RERE: variants seen among roughly 807,000 people sequenced by gnomAD.
RERE encodes the protein arginine-glutamic acid dipeptide repeats protein.
In RERE, 40 loss-of-function variants were observed where a neutral mutation model predicts 146.1. That is an observed-to-expected ratio of 0.27 (90% CI 0.21 to 0.36). The LOEUF is 0.36. RERE is among the 10% of genes least tolerant of loss of function. The pLI is 1.00. For missense variants in RERE, 1,933 were observed against 2,138.7 expected (o/e 0.90, Z 1.90); for synonymous variants, 1,003 against 866.0 (o/e 1.16, Z -2.78).
At chr1:8,635,435 AC>A (rs1647085578) in intron 2 of RERE, among the ~76,000 whole-genome samples, 1 of 152,216 alleles carries the variant, frequency 6.6e-6, no homozygotes, top group Non-Finnish European at 1.5e-5. Context: ...CTAAAATGAG[AC>A]GAGAGCTTCT....
chr1:8,562,132 G>A (rs1194108563), intron 4 of RERE, among the ~76,000 whole-genome samples: 1 of 152,130 alleles, frequency 6.6e-6, no homozygotes, highest in Non-Finnish European at 1.5e-5. Flanking sequence ...TTGTTTTACA[G>A]AAAAAGAGAG....
Position 8,476,641 on chromosome 1 carries a change from A to G in RERE, c.1105-10618T>C, listed in dbSNP as rs114669184. 9.7e-3 allele frequency among the ~76,000 whole-genome samples: 1,477 copies of G among 152,354 alleles called. 25 individuals are homozygous for G. The highest frequency in any genetic ancestry group is 0.034 in the African/African-American group (1,433 of 41,572). On this transcript the variant is annotated intron_variant, in intron 10 of 22. Coordinates refer to ENST00000400908, the MANE Select transcript of RERE (RefSeq NM_001042681.2). ...AATGCATTCACAGGGGAGGTTTTGA[A>G]AATCAACAACCAGTATAATATGATT...
At chr1:8,431,027 C>T (rs1184627576) in intron 11 of RERE, among the ~76,000 whole-genome samples, 1 of 152,180 alleles carries the variant, frequency 6.6e-6, no homozygotes, top group Non-Finnish European at 1.5e-5. Context: ...CCAGGCATTC[C>T]TTTGTCTTCC....
At chr1:8,371,339 A>G (rs1642027694) in intron 12 of RERE, among the ~76,000 whole-genome samples, 1 of 152,150 alleles carries the variant, frequency 6.6e-6, no homozygotes, top group South Asian at 2.1e-4. Flanking sequence ...GTGTCTTTCC[A>G]GGCTATACAC....
intron 11 of RERE, among the ~76,000 whole-genome samples, chr1:8,426,534 C>G (rs1644015909): frequency 6.6e-6 from 1 of 151,978 alleles, no homozygotes; most frequent in Non-Finnish European, 1.5e-5. Flanking sequence ...CTTTATCTCT[C>G]TTTCCTAATA....
chr1:8,780,733 G>C (rs1461547049), intron 1 of RERE, among the ~76,000 whole-genome samples: 2 of 152,300 alleles, frequency 1.3e-5, no homozygotes, highest in East Asian at 3.9e-4. Flanking sequence ...CAAGTCCTTA[G>C]AATAAAAACT....
chr1:8,663,309 T>C (rs548217780), intron 1 of RERE, among the ~76,000 whole-genome samples: 8 of 152,350 alleles, frequency 5.3e-5, no homozygotes, highest in African/African-American at 1.9e-4. Flanking sequence ...GTTTGACTTT[T>C]GACTAAATAC....
intron 10 of RERE, among the ~76,000 whole-genome samples, chr1:8,474,795 A>G (rs1361442556): frequency 6.6e-6 from 1 of 152,230 alleles, no homozygotes; most frequent in African/African-American, 2.4e-5. Flanking sequence ...GCCAAAGCAT[A>G]CTTTTCAAAT....
At chr1:8,513,734 C>G (rs1379644672) in intron 7 of RERE, among the ~76,000 whole-genome samples, 1 of 152,164 alleles carries the variant, frequency 6.6e-6, no homozygotes, top group East Asian at 1.9e-4. Flanking sequence ...GAGCCAACAT[C>G]GTGCCATTGT....
chr1:8,476,515 A>C (rs6577489), intron 10 of RERE, among the ~76,000 whole-genome samples: 38,801 of 152,094 alleles, frequency 0.26, 5,659 homozygotes, highest in Non-Finnish European at 0.33. Flanking sequence ...GGAAAGACAC[A>C]CATGTAAACA....
At chr1:8,377,269 G>A (rs901351419) in intron 12 of RERE, among the ~76,000 whole-genome samples, 1 of 152,062 alleles carries the variant, frequency 6.6e-6, no homozygotes, top group African/African-American at 2.4e-5. Context: ...ACACACACAA[G>A]GGCCCCCTTG....
At chr1:8,383,724 T>C (rs1367777862) in intron 12 of RERE, among the ~76,000 whole-genome samples, 1 of 152,020 alleles carries the variant, frequency 6.6e-6, no homozygotes, top group Non-Finnish European at 1.5e-5. Context: ...CCGGGTGTGG[T>C]GGCACGCACC....
intron 7 of RERE, among the ~76,000 whole-genome samples, chr1:8,526,776 CA>C (rs796672626): frequency 3.9e-5 from 6 of 152,274 alleles, no homozygotes; most frequent in African/African-American, 1.4e-4. Context: ...GTGCCACAAA[CA>C]CATGAACATC....
At chr1:8,371,130 C>G (rs1642019316) in intron 12 of RERE, among the ~76,000 whole-genome samples, 1 of 152,234 alleles carries the variant, frequency 6.6e-6, no homozygotes, top group Non-Finnish European at 1.5e-5. Flanking sequence ...GAAGTCATCT[C>G]CAACTGACAG....
chr1:8,557,400 C>T lies in RERE; in HGVS notation c.628+18G>A. 6.9e-7 allele frequency: 1 copy of T among 1,459,512 alleles called. No homozygotes were observed. The highest frequency in any genetic ancestry group is 1.1e-5 in the South Asian group (1 of 87,524). The allele number at this position is 1,459,512 out of a possible 1,614,324, so 90.4% of individuals were successfully genotyped here. Reference sequence around the variant, plus strand: ...AAAGCTAAGAAACACACAAATCAAACCACAAGGACATATTTACCATTTTCA... The same window carrying T: ...AAAGCTAAGAAACACACAAATCAAATCACAAGGACATATTTACCATTTTCA... On this transcript the variant is annotated intron_variant, in intron 5 of 22. Transcript: ENST00000400908.
chr1:8,457,613 A>T (rs762735387), intron 11 of RERE, among the ~76,000 whole-genome samples: 36 of 151,802 alleles, frequency 2.4e-4, no homozygotes, highest in South Asian at 4.2e-4. Context: ...TTATTTATTT[A>T]TTTTTTTGAG....
At chr1:8,424,060 C>T (rs564796430) in intron 11 of RERE, 13 of 152,322 alleles carry the variant, frequency 8.5e-5, no homozygotes, top group African/African-American at 2.4e-4. Flanking sequence ...GGGGCCCTTC[C>T]CAGGCTGCTG....
At chr1:8,680,295 T>G (rs140651387) in intron 1 of RERE, among the ~76,000 whole-genome samples, 34 of 152,346 alleles carry the variant, frequency 2.2e-4, no homozygotes, top group African/African-American at 7.9e-4. Context: ...TTCTGCCCTC[T>G]GAGTCCAGGT....
chr1:8,590,202 T>C (rs1646476185), intron 4 of RERE, among the ~76,000 whole-genome samples: 1 of 151,858 alleles, frequency 6.6e-6, no homozygotes, highest in South Asian at 2.1e-4. Flanking sequence ...AATAAAGATA[T>C]GAAAACTGAG....
Sources: gnomAD v4.1 joint callset for allele counts (sites outside exome capture counted in the v4.1 genomes callset) on GRCh38, gnomAD v4.1.1 for gene constraint, MANE v1.5 for transcripts, NCBI Gene and HGNC (gene_info 2026-07-23, HGNC 2026-07-21) for gene names.